Variants in MED1 observed in about 807,000 individuals in gnomAD.
MED1 encodes the protein mediator complex subunit 1.
A neutral mutation model predicts 121.3 loss-of-function variants in MED1; 17 were observed. The observed-to-expected ratio is 0.14, with a 90% confidence interval of 0.10 to 0.21. The LOEUF is 0.21. Ranked by LOEUF, MED1 falls within the 10% of genes least tolerant of loss-of-function variation. The pLI, the probability that MED1 is intolerant of heterozygous loss-of-function variation, is 1.00. For synonymous variants in MED1, 661 were observed against 694.4 expected, an observed-to-expected ratio of 0.95 and a Z score of 0.76; for missense variants, 1,558 against 1,919.4, an observed-to-expected ratio of 0.81 and a Z score of 3.52.
At chr17:39,443,730 A>G in intron 2 of MED1, 102 bp from the exon 3 acceptor site, 1 of 871,840 alleles carries the variant, frequency 1.1e-6, no homozygotes, top group East Asian at 2.5e-5. Flanking sequence ...AGGACAGTCT[A>G]TAGACTCAAT....
chr17:39,444,891 AAAC>A (rs2048712071), intron 2 of MED1, among the ~76,000 whole-genome samples: 1 of 148,936 alleles, frequency 6.7e-6, no homozygotes, highest in Non-Finnish European at 1.5e-5. Context: ...ACAAACAAAC[AAAC>A]AAAAAAAAAC....
intron 2 of MED1, among the ~76,000 whole-genome samples, chr17:39,446,900 A>G (rs2048733378): frequency 6.6e-6 from 1 of 152,128 alleles, no homozygotes; most frequent in South Asian, 2.1e-4. Flanking sequence ...TGATCGCGCC[A>G]CTGCACTTGA....
At chr17:39,444,104 G>C (rs1330502590) in intron 2 of MED1, among the ~76,000 whole-genome samples, 1 of 152,150 alleles carries the variant, frequency 6.6e-6, no homozygotes, top group African/African-American at 2.4e-5. Flanking sequence ...GATATAAACA[G>C]TTAAATAAGA....
chr17:39,437,766 C>A (rs1480110612), intron 6 of MED1, among the ~76,000 whole-genome samples: 2 of 151,930 alleles, frequency 1.3e-5, no homozygotes, highest in Non-Finnish European at 2.9e-5. Flanking sequence ...GAAACCCCGT[C>A]TCTACTGAAA....
chr17:39,423,893 T>C (rs528415794), intron 11 of MED1, 72 bp from the exon 12 acceptor site: 21 of 1,492,534 alleles, frequency 1.4e-5, no homozygotes, highest in Admixed American at 7.1e-5. Flanking sequence ...ACACCTTTTT[T>C]TTTTTTGAGA....
At chr17:39,447,712 G>C in intron 2 of MED1, 86 bp downstream of exon 2, 2 of 937,450 alleles carry the variant, frequency 2.1e-6, no homozygotes, top group Non-Finnish European at 3.3e-6. Context: ...TATGAAGATA[G>C]TATGAACACA....
chr17:39,450,642 G>A (rs2048773809), intron 1 of MED1, among the ~76,000 whole-genome samples: 1 of 152,168 alleles, frequency 6.6e-6, no homozygotes, highest in South Asian at 2.1e-4. Context: ...GTAGAGAACT[G>A]CTGGCTGCTA....
chr17:39,436,085 G>A (rs756130851), intron 6 of MED1, among the ~76,000 whole-genome samples: 14 of 151,684 alleles, frequency 9.2e-5, no homozygotes, highest in Admixed American at 2.6e-4. Flanking sequence ...AAAAAAGGCC[G>A]GGTGCGGTGG....
At chr17:39,437,542 T>C (rs1415810301) in intron 6 of MED1, among the ~76,000 whole-genome samples, 2 of 152,126 alleles carry the variant, frequency 1.3e-5, no homozygotes, top group African/African-American at 4.8e-5. Flanking sequence ...GAGCAAAGAA[T>C]TTTCCAATCC....
intron 9 of MED1, among the ~76,000 whole-genome samples, chr17:39,428,753 C>T (rs144670485): frequency 1.6e-4 from 24 of 152,080 alleles, no homozygotes; most frequent in African/African-American, 1.7e-4. Flanking sequence ...GAGATCAAGA[C>T]GAGCCTGGCC....
At chr17:39,436,189 C>G (rs996576692) in intron 6 of MED1, among the ~76,000 whole-genome samples, 2 of 151,478 alleles carry the variant, frequency 1.3e-5, no homozygotes, top group Non-Finnish European at 1.5e-5. Context: ...GATGAAACCT[C>G]GTCTCTACTA....
chr17:39,421,963 C>G (rs1211705818), intron 13 of MED1, among the ~76,000 whole-genome samples: 1 of 150,872 alleles, frequency 6.6e-6, no homozygotes, highest in African/African-American at 2.4e-5. Flanking sequence ...CCCGTCTCTA[C>G]TAAAAATACA....
chr17:39,440,371 A>G lies in MED1; in HGVS notation c.399+15T>C. On this transcript the variant is annotated intron_variant, in intron 5 of 16. Transcript: ENST00000300651. The surrounding 1 kb of genome is among the most constrained non-coding windows in gnomAD (Gnocchi z 4.1). Reference sequence around the variant, plus strand: ...TAAACCCCACAGATTCCAGTGAAATATCAACAACACATACCACAGGATTCT... The same window carrying G: ...TAAACCCCACAGATTCCAGTGAAATGTCAACAACACATACCACAGGATTCT... 1 of 1,543,796 alleles carries G rather than the reference A, an allele frequency of 6.5e-7. No homozygotes were observed. Among genetic ancestry groups the G allele is most frequent in the African/African-American group, 1.4e-5 (1 of 71,592 alleles).
At chr17:39,441,285 G>A (rs72825189) in intron 3 of MED1, among the ~76,000 whole-genome samples, 8,101 of 152,258 alleles carry the variant, frequency 0.053, 240 homozygotes, top group Non-Finnish European at 0.078. Context: ...GAAGCAGAAT[G>A]GTGGCTGCCA....
rs1423711480 is a variant in MED1 at position 39,443,599 on chromosome 17, C to G, written c.162G>C (p.Gly54=). Residue 54 remains glycine (G), a synonymous_variant, in exon 3 of 17, where the codon GGG becomes GGC. Transcript: ENST00000300651. Reference sequence around the variant, plus strand: ...CCAAACAGCTGACCAAATGTTGATGCCCTCCAGAACTCATCACAACCCTCT... The same window carrying G: ...CCAAACAGCTGACCAAATGTTGATGGCCTCCAGAACTCATCACAACCCTCT... ...MEKRVVMSSG[G]HQHLVSCLET... The G allele has an allele frequency of 6.2e-7, 1 of 1,613,938 alleles. No individual in the cohort carries two copies. The highest frequency in any genetic ancestry group is 1.7e-5 in the Admixed American group (1 of 59,968).
chr17:39,409,377 C>T lies in MED1; in HGVS notation c.2844G>A (p.Glu948=), dbSNP rs544761064. The T allele has an allele frequency of 5.0e-6, 8 of 1,614,116 alleles. No homozygotes were observed. In the South Asian group the frequency reaches 6.6e-5, roughly 13 times the overall value. ...AAGGACCCTGACTACCACTGTGATG[C>T]TCCATAAGATCTGCAGGAGCTAAAG... The part of the protein sequence containing the change: ...GKALAPADLM[E]HHSGSQGPLL... The change falls in exon 17 of 17, where the codon GAG becomes GAA. Residue 948 remains glutamate (E), a synonymous_variant. Transcript: ENST00000300651.
intron 13 of MED1, among the ~76,000 whole-genome samples, chr17:39,420,791 A>ATTTTTTT (rs71147330): frequency 1.8e-5 from 2 of 109,936 alleles, no homozygotes; most frequent in Non-Finnish European, 1.7e-5. Flanking sequence ...ACATGTGCCT[A>ATTTTTTT]TTTTTTTTTT....
At chr17:39,417,624 G>A (rs190284064) in intron 14 of MED1, among the ~76,000 whole-genome samples, 9 of 152,180 alleles carry the variant, frequency 5.9e-5, no homozygotes, top group Admixed American at 2.6e-4. Context: ...GCGAGACTCC[G>A]TCTCAAAAAA....
intron 7 of MED1, among the ~76,000 whole-genome samples, chr17:39,433,905 T>C (rs920491331): frequency 6.6e-6 from 1 of 152,176 alleles, no homozygotes; most frequent in Non-Finnish European, 1.5e-5. Flanking sequence ...CTTATTTTTA[T>C]CTCTGTTTTA....
Sources: gnomAD v4.1 joint callset for allele counts (sites outside exome capture counted in the v4.1 genomes callset) on GRCh38, gnomAD v4.1.1 for gene constraint, Gnocchi (gnomAD v3.1) non-coding constraint, MANE v1.5 for transcripts, NCBI Gene and HGNC (gene_info 2026-07-23, HGNC 2026-07-21) for gene names.